Variants in NCOA4 observed in about 807,000 individuals in gnomAD.
The protein encoded by NCOA4 is nuclear receptor coactivator 4.
NCOA4 carries 31 observed loss-of-function variants against 69.5 expected under a neutral mutation model. The ratio of observed to expected loss-of-function variants is 0.45; its 90% CI spans 0.34 to 0.60. The LOEUF (loss-of-function observed/expected upper bound fraction) is 0.60, where lower values mean the gene tolerates loss of function less well. NCOA4 is among the 20% of genes least tolerant of loss of function. The pLI, the probability that NCOA4 is intolerant of heterozygous loss-of-function variation, is 0.02. For synonymous variants in NCOA4, 228 were observed against 252.4 expected (o/e 0.90, Z 0.92); for missense variants, 600 against 719.2 (o/e 0.83, Z 1.90).
At chr10:46,020,146 A>G (rs912916012) in intron 1 of NCOA4, among the ~76,000 whole-genome samples, 3 of 152,244 alleles carry the variant, frequency 2.0e-5, no homozygotes, top group Non-Finnish European at 4.4e-5. Context: ...AGAGACTTGT[A>G]TGAGGTAACT....
chr10:46,021,436 TAC>T (rs1209475342), intron 1 of NCOA4, among the ~76,000 whole-genome samples: 24 of 152,348 alleles, frequency 1.6e-4, no homozygotes, highest in Middle Eastern at 3.4e-3. Flanking sequence ...GGTTTAGAAC[TAC>T]AGTTTCCAAG....
In NCOA4 at chr10:46,010,651, T is replaced by C. The variant is rs148368869; in HGVS notation, c.1270A>G (p.Lys424Glu). The C allele has an allele frequency of 3.4e-5, 55 of 1,614,120 alleles. 1 individual carries two copies. The African/African-American group carries it at 5.3e-4, about 16-fold the overall frequency. ...AECVCDENCE[K>E]EALYKWLLKK... ...AGAAGCCACTTATACAGAGCCTCCT[T>C]CTCACAATTCTCATCACACACACAC... Residue 424 changes from lysine (K) to glutamate (E), a missense_variant, in exon 8 of 10, where the codon AAG (lysine) becomes GAG (glutamate). Transcript: ENST00000581486.
intron 1 of NCOA4, among the ~76,000 whole-genome samples, chr10:46,026,587 CTT>C (rs1840167523): frequency 6.6e-6 from 1 of 152,154 alleles, no homozygotes; most frequent in Non-Finnish European, 1.5e-5. Context: ...ATGGCAAACA[CTT>C]TGTGGTTCTC....
intron 1 of NCOA4, among the ~76,000 whole-genome samples, chr10:46,024,574 T>C (rs548657317): frequency 1.3e-5 from 2 of 152,324 alleles, no homozygotes; most frequent in Admixed American, 1.3e-4. Flanking sequence ...ACTATAATGA[T>C]GTGATTTATT....
At position 46,005,958 on chromosome 10, in the gene NCOA4, CAA is replaced by C. The variant is rs1554919535; in HGVS notation, c.*632_*633del. 4.9e-6 allele frequency: 1 copy of C among 205,392 alleles called. No homozygotes were observed. Among genetic ancestry groups the C allele is most frequent in the African/African-American group, 2.3e-5 (1 of 43,794 alleles). The allele number at this position is 205,392 out of a possible 1,614,324, so 12.7% of individuals were successfully genotyped here. On this transcript the variant is annotated 3_prime_UTR_variant, in exon 10 of 10. Coordinates refer to ENST00000581486, the MANE Select transcript of NCOA4 (RefSeq NM_001145263.2). ...TATTTTAATAACATTTACAGAAAGA[CAA>C]AATTTGCAGTAGCTGAGTTTAAGTG...
At chr10:46,013,067 G>T (rs377625953) in intron 6 of NCOA4, 41 bp from the exon 7 acceptor site, 3 of 1,599,990 alleles carry the variant, frequency 1.9e-6, no homozygotes, top group East Asian at 2.2e-5. Context: ...GCAGTAGAAA[G>T]TTCACCAGAA....
At chr10:46,029,612 G>A (rs560094224) in intron 1 of NCOA4, among the ~76,000 whole-genome samples, 27 of 152,278 alleles carry the variant, frequency 1.8e-4, no homozygotes, top group African/African-American at 6.0e-4. Context: ...AATTACTGTG[G>A]TGAACCCGAC....
intron 9 of NCOA4, chr10:46,009,030 T>C: frequency 1.3e-6 from 1 of 759,604 alleles, no homozygotes; most frequent in African/African-American, 1.8e-5. Context: ...GTGTATTATA[T>C]ACAACTTTTA....
chr10:46,016,735 C>A, intron 1 of NCOA4, 41 bp from the exon 2 acceptor site: 1 of 1,310,234 alleles, frequency 7.6e-7, no homozygotes, highest in East Asian at 2.7e-5. Context: ...ACCATAATTA[C>A]AACCAAAAAC....
intron 2 of NCOA4, among the ~76,000 whole-genome samples, chr10:46,015,786 G>C (rs1554923065): frequency 6.6e-6 from 1 of 152,108 alleles, no homozygotes; most frequent in Non-Finnish European, 1.5e-5. Flanking sequence ...ATTTACAGGA[G>C]GCCAATTTAG....
intron 5 of NCOA4, among the ~76,000 whole-genome samples, chr10:46,014,132 T>C (rs907061877): frequency 1.6e-4 from 25 of 152,162 alleles, no homozygotes; most frequent in Admixed American, 3.9e-4. Context: ...CTTGAAGCGA[T>C]CCTCCTGCCT....
At chr10:46,013,380 T>A (rs1554922219) in intron 6 of NCOA4, among the ~76,000 whole-genome samples, 170 bp downstream of exon 6, 1 of 152,248 alleles carries the variant, frequency 6.6e-6, no homozygotes, top group Non-Finnish European at 1.5e-5. Context: ...ACAAGACATC[T>A]AAATTTCTAT....
chr10:46,014,351 CAAG>C (rs1554922516), intron 5 of NCOA4, 90 bp downstream of exon 5: 1 of 909,166 alleles, frequency 1.1e-6, no homozygotes, highest in African/African-American at 1.7e-5. Context: ...ATCAAATTCT[CAAG>C]AAAGTCACTA....
At chr10:46,010,090 C>T in intron 8 of NCOA4, 133 bp downstream of exon 8, 1 of 1,140,814 alleles carries the variant, frequency 8.8e-7, no homozygotes, top group Non-Finnish European at 1.2e-6. Flanking sequence ...ATGGCTGGAG[C>T]CTCGGAAGGG....
intron 7 of NCOA4, among the ~76,000 whole-genome samples, chr10:46,012,377 A>T (rs537956268): frequency 3.3e-4 from 51 of 152,252 alleles, no homozygotes; most frequent in Middle Eastern, 3.4e-3. Context: ...GGAACTAATC[A>T]AGAATGCACA....
Position 46,005,162 on chromosome 10 carries a change from CAT to C in NCOA4, c.*1428_*1429del, listed in dbSNP as rs1332591539. The stretch of plus-strand genomic sequence containing the variant: ...AAAGAATGTTTTACATACTCATTAA[CAT>C]AGTGATTAATGTAAATTATATTTTG... On this transcript the variant is annotated 3_prime_UTR_variant, in exon 10 of 10. Coordinates refer to ENST00000581486, the MANE Select transcript of NCOA4 (RefSeq NM_001145263.2). The C allele has an allele frequency of 6.6e-5, 13 of 198,068 alleles. No homozygotes were observed. Among genetic ancestry groups the C allele is most frequent in the Non-Finnish European group, 7.3e-5 (7 of 95,656 alleles). 12.3% of individuals were successfully genotyped at this position (198,068 alleles called of 1,614,324 possible).
intron 7 of NCOA4, 101 bp downstream of exon 7, chr10:46,012,782 C>G (rs1220967793): frequency 4.1e-6 from 5 of 1,229,402 alleles, no homozygotes; most frequent in Non-Finnish European, 5.4e-6. Context: ...TGTTTCCAGA[C>G]TGCAACCAAA....
At chr10:46,027,115 C>CA (rs1237726059) in intron 1 of NCOA4, among the ~76,000 whole-genome samples, 1 of 151,840 alleles carries the variant, frequency 6.6e-6, no homozygotes, top group Admixed American at 6.6e-5. Context: ...CTAAAAAACA[C>CA]AAAAAATTAG....
At chr10:46,019,800 AT>A (rs1839769259) in intron 1 of NCOA4, among the ~76,000 whole-genome samples, 1 of 152,176 alleles carries the variant, frequency 6.6e-6, no homozygotes, top group African/African-American at 2.4e-5. Context: ...CAGTTATCAC[AT>A]TTTTTTCAAA....
Sources: gnomAD v4.1 joint callset for allele counts (sites outside exome capture counted in the v4.1 genomes callset) on GRCh38, gnomAD v4.1.1 for gene constraint, MANE v1.5 for transcripts, NCBI Gene and HGNC (gene_info 2026-07-23, HGNC 2026-07-21) for gene names.